The following EXD1 variants were observed in gnomAD, a reference collection of about 807,000 sequenced individuals.
The protein encoded by EXD1 is piRNA biogenesis protein EXD1.
In EXD1, 63 loss-of-function variants were observed where a neutral mutation model predicts 49.1. The ratio of observed to expected loss-of-function variants is 1.28; its 90% confidence interval spans 1.05 to 1.58. The LOEUF is 1.58. Among genes scored for constraint, EXD1 ranks in the 40% most tolerant of loss-of-function variants. The probability of loss-of-function intolerance (pLI) is 0.00; values close to 1 mark genes in which losing one functional copy is unlikely to be tolerated. For synonymous variants in EXD1, 234 were observed against 239.2 expected, an observed-to-expected ratio of 0.98 and a Z score of 0.20; for missense variants, 748 against 666.0, an observed-to-expected ratio of 1.12 and a Z score of -1.36.
chr15:41,199,303 A>G (rs1294026591), intron 7 of EXD1, among the ~76,000 whole-genome samples: 1 of 151,220 alleles, frequency 6.6e-6, no homozygotes, highest in African/African-American at 2.4e-5. Flanking sequence ...GCCAAGGCTG[A>G]TCTTGAATTC....
At chr15:41,199,722 T>TTACATATCTCA (rs2046682103) in intron 7 of EXD1, among the ~76,000 whole-genome samples, 1 of 94,636 alleles carries the variant, frequency 1.1e-5, no homozygotes, top group East Asian at 3.7e-4. Context: ...ATATGATATA[T>TTACATATCTCA]TATATATGAT....
intron 7 of EXD1, among the ~76,000 whole-genome samples, chr15:41,206,929 CTTTTTT>C (rs532980257): frequency 3.7e-5 from 2 of 54,368 alleles, no homozygotes; most frequent in African/African-American, 6.3e-5. Context: ...CTATTCAACT[CTTTTTT>C]TTTTTTTTTT....
chr15:41,187,192 C>A (rs2046423915), intron 11 of EXD1, among the ~76,000 whole-genome samples: 1 of 151,880 alleles, frequency 6.6e-6, no homozygotes, highest in Admixed American at 6.6e-5. Context: ...TCTGTCCAAG[C>A]AATTCTCCTG....
chr15:41,209,257 C>T (rs1391845009), intron 7 of EXD1, among the ~76,000 whole-genome samples: 1 of 151,778 alleles, frequency 6.6e-6, no homozygotes, highest in Non-Finnish European at 1.5e-5. Context: ...GACCCCATCT[C>T]AAAAAAACAA....
At chr15:41,225,822 A>G (rs59389433) in intron 2 of EXD1, among the ~76,000 whole-genome samples, 44,001 of 151,392 alleles carry the variant, frequency 0.29, 8,965 homozygotes, top group African/African-American at 0.57. Flanking sequence ...TGGGAGGCGG[A>G]GGTTGCGGTG....
At chr15:41,214,284 G>A (rs929670850) in intron 6 of EXD1, among the ~76,000 whole-genome samples, 18 of 152,250 alleles carry the variant, frequency 1.2e-4, no homozygotes, top group South Asian at 2.1e-4. Flanking sequence ...GCGGAGATAG[G>A]CAGATCACCT....
chr15:41,214,870 T>C (rs544891877), intron 6 of EXD1, among the ~76,000 whole-genome samples: 2 of 152,010 alleles, frequency 1.3e-5, no homozygotes, highest in Non-Finnish European at 2.9e-5. Context: ...CCCAGCCTGG[T>C]GAGTAGCTGG....
chr15:41,198,351 C>G (rs2046648424), intron 7 of EXD1, among the ~76,000 whole-genome samples: 1 of 152,060 alleles, frequency 6.6e-6, no homozygotes. Flanking sequence ...CACGAATGGC[C>G]AATGACTTAA....
At chr15:41,199,862 G>T in intron 7 of EXD1, among the ~76,000 whole-genome samples, 1 of 141,394 alleles carries the variant, frequency 7.1e-6, no homozygotes, top group Non-Finnish European at 1.5e-5. Flanking sequence ...TCATATATAT[G>T]ATCTGTATAT....
At chr15:41,199,748 T>TG (rs1595436620) in intron 7 of EXD1, among the ~76,000 whole-genome samples, 24 of 10,838 alleles carry the variant, frequency 2.2e-3, no homozygotes, top group South Asian at 7.8e-3. Flanking sequence ...TGTCATATAT[T>TG]ATATATGATA....
In EXD1 at chr15:41,190,052, A is replaced by G. The variant is rs1336138489; in HGVS notation, c.941T>C (p.Leu314Pro). ...LKILALEATY[L>P]LPLRLALLDE... ...TAGGAGTGCCAAGCGAAGGGGTAACAGGTAGGTAGCTTCCAGGGCCAAAAT... is the reference window on the plus strand; with the variant it reads ...TAGGAGTGCCAAGCGAAGGGGTAACGGGTAGGTAGCTTCCAGGGCCAAAAT... The change falls in exon 11 of 12, where the codon CTG becomes CCG. Residue 314 changes from leucine (L) to proline (P), a missense_variant. By Grantham distance (98) the Leu-to-Pro change is moderately conservative. Transcript: ENST00000458580. 6.2e-7 allele frequency: 1 copy of G among 1,614,092 alleles called. No individual in the cohort carries two copies.
intron 2 of EXD1, among the ~76,000 whole-genome samples, chr15:41,225,341 T>C (rs1003442620): frequency 6.6e-6 from 1 of 152,206 alleles, no homozygotes; most frequent in Non-Finnish European, 1.5e-5. Context: ...TCCCAGCACT[T>C]TGGGAGGCCA....
chr15:41,186,133 A>G (rs1273318222), intron 11 of EXD1, among the ~76,000 whole-genome samples: 1 of 152,096 alleles, frequency 6.6e-6, no homozygotes, highest in African/African-American at 2.4e-5. Context: ...CTCTTGAGAT[A>G]CTTTCCATAT....
Position 41,184,297 on chromosome 15 carries a change from T to G in EXD1, c.1353A>C (p.Gln451His). ...CCCCTTCCTCTGTGGGAGGTAGATGTTGAGGATTTGTAGCTTGTTTATTCA... is the reference window on the plus strand; with the variant it reads ...CCCCTTCCTCTGTGGGAGGTAGATGGTGAGGATTTGTAGCTTGTTTATTCA... ...ESLNKQATNPQHLPPTEEGET... is the reference protein window; with the variant it reads ...ESLNKQATNPHHLPPTEEGET... Residue 451 changes from glutamine (Q) to histidine (H), a missense_variant, in exon 12 of 12, where the codon CAA (glutamine) becomes CAC (histidine). Coordinates refer to ENST00000458580, the MANE Select transcript of EXD1 (RefSeq NM_001286441.2). 1 of 1,614,218 alleles carries G rather than the reference T, an allele frequency of 6.2e-7. No individual in the cohort carries two copies. Among genetic ancestry groups the G allele is most frequent in the Non-Finnish European group, 8.5e-7 (1 of 1,180,038 alleles).
At chr15:41,187,262 G>A (rs1024711039) in intron 11 of EXD1, among the ~76,000 whole-genome samples, 10 of 151,988 alleles carry the variant, frequency 6.6e-5, no homozygotes, top group East Asian at 3.9e-4. Context: ...GCTAATTTTT[G>A]TATTATTAGT....
At chr15:41,206,549 C>T (rs2046825494) in intron 7 of EXD1, among the ~76,000 whole-genome samples, 1 of 150,394 alleles carries the variant, frequency 6.6e-6, no homozygotes, top group Non-Finnish European at 1.5e-5. Context: ...GTTGACTCCC[C>T]TAATGTTTGT....
intron 2 of EXD1, among the ~76,000 whole-genome samples, chr15:41,221,993 G>A (rs1306746500): frequency 6.6e-6 from 1 of 151,636 alleles, no homozygotes; most frequent in African/African-American, 2.4e-5. Flanking sequence ...CCAACTACGT[G>A]GGAGGCTGAG....
chr15:41,203,915 T>TAAA (rs1453977472), intron 7 of EXD1, among the ~76,000 whole-genome samples: 1 of 9,564 alleles, frequency 1.0e-4, no homozygotes, highest in East Asian at 2.8e-3. Flanking sequence ...AGACTTCTCC[T>TAAA]CAAAAAAAAA....
chr15:41,223,456 C>T (rs2047119518), intron 2 of EXD1, among the ~76,000 whole-genome samples: 1 of 151,790 alleles, frequency 6.6e-6, no homozygotes, highest in Non-Finnish European at 1.5e-5. Context: ...TGTGGTGGCT[C>T]ATGCCTATAA....
Sources: gnomAD v4.1 joint callset for allele counts (sites outside exome capture counted in the v4.1 genomes callset) on GRCh38, gnomAD v4.1.1 for gene constraint, MANE v1.5 for transcripts, NCBI Gene and HGNC (gene_info 2026-07-23, HGNC 2026-07-21) for gene names.